RYR2: variants seen among roughly 807,000 people sequenced by gnomAD.
RYR2 encodes the protein cardiac muscle ryanodine receptor-calcium release channel.
A neutral mutation model predicts 601.1 loss-of-function variants in RYR2; 227 were observed. The ratio of observed to expected loss-of-function variants is 0.38; its 90% CI spans 0.34 to 0.42. RYR2 has a LOEUF of 0.42. Ranked by LOEUF, RYR2 falls within the 10% of genes least tolerant of loss-of-function variation. RYR2 has a pLI of 1.00. For missense variants in RYR2, 4,646 were observed against 6,156.5 expected (o/e 0.75, Z 8.21); for synonymous variants, 2,223 against 2,175.1 (o/e 1.02, Z -0.61).
intron 53 of RYR2, among the ~76,000 whole-genome samples, chr1:237,657,175 G>A (rs973917990): frequency 4.6e-5 from 7 of 152,050 alleles, no homozygotes; most frequent in African/African-American, 1.2e-4. Flanking sequence ...AGACGATTAC[G>A]ATTTTTTATA....
At chr1:237,224,293 T>G (rs1684125748) in intron 1 of RYR2, among the ~76,000 whole-genome samples, 1 of 152,174 alleles carries the variant, frequency 6.6e-6, no homozygotes, top group Non-Finnish European at 1.5e-5. Context: ...TATGTAGATC[T>G]TAGTCTATTT....
At chr1:237,706,670 TGAG>T (rs1688408937) in intron 67 of RYR2, among the ~76,000 whole-genome samples, 1 of 152,112 alleles carries the variant, frequency 6.6e-6, no homozygotes, top group Non-Finnish European at 1.5e-5. Context: ...TTGTAGGTCA[TGAG>T]AGCAGCAAAG....
At chr1:237,397,290 A>G (rs965941948) in intron 10 of RYR2, among the ~76,000 whole-genome samples, 1 of 152,122 alleles carries the variant, frequency 6.6e-6, no homozygotes, top group Admixed American at 6.6e-5. Flanking sequence ...CAGAGAAGAC[A>G]AAAATCTATG....
At chr1:237,234,339 A>C (rs1006866623) in intron 1 of RYR2, among the ~76,000 whole-genome samples, 3 of 152,234 alleles carry the variant, frequency 2.0e-5, no homozygotes, top group Non-Finnish European at 1.5e-5. Flanking sequence ...CTACTCCTTT[A>C]TCAACCCTTT....
intron 1 of RYR2, among the ~76,000 whole-genome samples, chr1:237,211,055 A>G (rs1682519238): frequency 6.6e-6 from 1 of 152,190 alleles, no homozygotes; most frequent in Non-Finnish European, 1.5e-5. Context: ...ATTCAGTACC[A>G]TGTTCAATCT....
chr1:237,044,778 C>G (rs970842459), intron 1 of RYR2, among the ~76,000 whole-genome samples: 5 of 138,604 alleles, frequency 3.6e-5, no homozygotes, highest in South Asian at 2.4e-4. Context: ...TTCCCTCCCC[C>G]ACCCCCCTTT....
At chr1:237,549,435 C>T (rs1572831724) in intron 26 of RYR2, among the ~76,000 whole-genome samples, 1 of 151,890 alleles carries the variant, frequency 6.6e-6, no homozygotes, top group South Asian at 2.1e-4. Context: ...ATTAGCTGGG[C>T]ATGGGGCACA....
intron 20 of RYR2, among the ~76,000 whole-genome samples, chr1:237,498,476 C>T (rs972211660): frequency 1.3e-5 from 2 of 152,032 alleles, no homozygotes; most frequent in Non-Finnish European, 2.9e-5. Flanking sequence ...CTATTACCCC[C>T]TCTCTCCCTA....
At chr1:237,193,186 C>CCGGGTG (rs1466808360) in intron 1 of RYR2, among the ~76,000 whole-genome samples, 1 of 29,764 alleles carries the variant, frequency 3.4e-5, no homozygotes, top group Non-Finnish European at 8.0e-5. Context: ...AAAAAGAAGG[C>CCGGGTG]CGGGTGCGGT....
chr1:237,527,569 T>A (rs186921871), intron 24 of RYR2, among the ~76,000 whole-genome samples: 3 of 152,286 alleles, frequency 2.0e-5, no homozygotes, highest in Non-Finnish European at 4.4e-5. Context: ...AGACCCACGA[T>A]CTCCTGCTTC....
chr1:237,171,132 G>A (rs770632244), intron 1 of RYR2, among the ~76,000 whole-genome samples: 51 of 152,018 alleles, frequency 3.4e-4, no homozygotes, highest in Middle Eastern at 6.8e-3. Flanking sequence ...TACTCGGGAG[G>A]CTGAGGCAGG....
intron 2 of RYR2, among the ~76,000 whole-genome samples, chr1:237,283,121 C>T (rs572171514): frequency 5.9e-5 from 9 of 152,254 alleles, no homozygotes; most frequent in African/African-American, 1.4e-4. Flanking sequence ...AAGACCCTTG[C>T]GCGTTCTTCA....
At chr1:237,066,929 G>A (rs184303531) in intron 1 of RYR2, among the ~76,000 whole-genome samples, 1,863 of 152,190 alleles carry the variant, frequency 0.012, 16 homozygotes, top group Non-Finnish European at 0.019. Flanking sequence ...GAGCCACCGC[G>A]CCCGGCATCT....
At chr1:237,366,180 C>T (rs1395805066) in intron 5 of RYR2, among the ~76,000 whole-genome samples, 1 of 152,160 alleles carries the variant, frequency 6.6e-6, no homozygotes, top group Non-Finnish European at 1.5e-5. Context: ...GAGCCTATTT[C>T]TGCTGGTTGG....
At chr1:237,810,732 G>A (rs181878416) in intron 100 of RYR2, among the ~76,000 whole-genome samples, 18 of 152,100 alleles carry the variant, frequency 1.2e-4, no homozygotes, top group South Asian at 1.0e-3. Flanking sequence ...AGTCAGTTAC[G>A]ATAAATCCAT....
At chr1:237,203,693 AT>A (rs933837639) in intron 1 of RYR2, among the ~76,000 whole-genome samples, 21 of 150,312 alleles carry the variant, frequency 1.4e-4, no homozygotes, top group East Asian at 7.8e-4. Context: ...TGTAGTAAAA[AT>A]TTTTTTTTTA....
chr1:237,259,567 G>C (rs1396903271), intron 1 of RYR2, among the ~76,000 whole-genome samples: 2 of 148,600 alleles, frequency 1.3e-5, no homozygotes, highest in Admixed American at 1.3e-4. Context: ...CCGTCACCTT[G>C]TATAAAACCA....
Position 237,126,740 on chromosome 1 carries a change from A to G in RYR2, c.48+84171A>G, listed in dbSNP as rs555705411. Reference sequence around the variant, plus strand: ...AGGATCTGAACATGTACCTGTGTAAAGACTTATGGAAAGAATTTTTATTTT... The same window carrying G: ...AGGATCTGAACATGTACCTGTGTAAGGACTTATGGAAAGAATTTTTATTTT... On this transcript the variant is annotated intron_variant, in intron 1 of 104. Transcript: ENST00000366574. Among the ~76,000 whole-genome samples the G allele has an allele frequency of 1.5e-3, 223 of 152,228 alleles. 1 individual carries two copies. The highest frequency in any genetic ancestry group is 4.5e-3 in the African/African-American group (188 of 41,540).
intron 23 of RYR2, among the ~76,000 whole-genome samples, chr1:237,510,744 C>T (rs1665806784): frequency 6.6e-6 from 1 of 152,286 alleles, no homozygotes; most frequent in Non-Finnish European, 1.5e-5. Flanking sequence ...GCTGCCACGG[C>T]GTTAATGCCG....
Sources: gnomAD v4.1 joint callset for allele counts (sites outside exome capture counted in the v4.1 genomes callset) on GRCh38, gnomAD v4.1.1 for gene constraint, MANE v1.5 for transcripts, NCBI Gene and HGNC (gene_info 2026-07-23, HGNC 2026-07-21) for gene names.